Variants in FRMD4A observed in about 807,000 individuals in gnomAD.
The protein encoded by FRMD4A is FERM domain-containing protein 4A.
A neutral mutation model predicts 129.1 loss-of-function variants in FRMD4A; 29 were observed. The ratio of observed to expected loss-of-function variants is 0.22; its 90% CI spans 0.17 to 0.31. The LOEUF is 0.31. Ranked by LOEUF, FRMD4A falls within the 10% of genes least tolerant of loss-of-function variation. The pLI, the probability that FRMD4A is intolerant of heterozygous loss-of-function variation, is 1.00. For missense variants in FRMD4A, 1,272 were observed against 1,375.8 expected (o/e 0.92, Z 1.19); for synonymous variants, 634 against 571.6 (o/e 1.11, Z -1.56).
intron 2 of FRMD4A, among the ~76,000 whole-genome samples, chr10:14,281,480 C>T (rs1026305732): frequency 3.3e-5 from 5 of 152,234 alleles, no homozygotes; most frequent in Non-Finnish European, 5.9e-5. Context: ...CTTGCAGCCA[C>T]CAGGACTGTG....
chr10:14,234,484 G>T (rs896327017), intron 2 of FRMD4A, among the ~76,000 whole-genome samples: 1 of 152,190 alleles, frequency 6.6e-6, no homozygotes, highest in East Asian at 1.9e-4. Flanking sequence ...ATTCTTCTTA[G>T]GTAGCAGCCA....
At chr10:14,038,602 T>A (rs1833617287) in intron 2 of FRMD4A, among the ~76,000 whole-genome samples, 1 of 152,154 alleles carries the variant, frequency 6.6e-6, no homozygotes, top group Non-Finnish European at 1.5e-5. Context: ...CTGCATAAAA[T>A]TGATAACATT....
At chr10:13,701,770 C>A (rs2086853893) in intron 13 of FRMD4A, among the ~76,000 whole-genome samples, 1 of 152,190 alleles carries the variant, frequency 6.6e-6, no homozygotes, top group African/African-American at 2.4e-5. Context: ...AATGGATGGT[C>A]CTTTTTCGAT....
At chr10:14,052,923 T>C (rs1834332619) in intron 2 of FRMD4A, among the ~76,000 whole-genome samples, 2 of 152,098 alleles carry the variant, frequency 1.3e-5, no homozygotes, top group Non-Finnish European at 2.9e-5. Flanking sequence ...AACTCATTCT[T>C]TACTGCAAGG....
chr10:14,028,237 AACTG>A (rs1833073227), intron 2 of FRMD4A, among the ~76,000 whole-genome samples: 1 of 152,224 alleles, frequency 6.6e-6, no homozygotes. Flanking sequence ...TTTATTTACT[AACTG>A]GGGTATATAC....
intron 2 of FRMD4A, among the ~76,000 whole-genome samples, chr10:14,113,493 G>A (rs1388717220): frequency 1.3e-5 from 2 of 152,174 alleles, no homozygotes; most frequent in East Asian, 3.8e-4. Flanking sequence ...TGTGTTAAGT[G>A]GCTGTATGTG....
At chr10:13,993,662 T>C (rs2095611602) in intron 2 of FRMD4A, among the ~76,000 whole-genome samples, 1 of 152,238 alleles carries the variant, frequency 6.6e-6, no homozygotes, top group Non-Finnish European at 1.5e-5. Flanking sequence ...TAAGTTGTTC[T>C]ATCAGGCAAT....
intron 2 of FRMD4A, among the ~76,000 whole-genome samples, chr10:14,322,832 C>A (rs1034246541): frequency 1.3e-5 from 2 of 152,190 alleles, no homozygotes; most frequent in Non-Finnish European, 2.9e-5. Context: ...TGAGAAACTG[C>A]TACTTGCACC....
In FRMD4A at chr10:13,645,561, A is replaced by C. The variant is rs1177529775; in HGVS notation, c.*1477T>G. Reference sequence around the variant, plus strand: ...TGTAAACGTGCAGCTCCCACACATTAATTTTTTTCTTCTTTCCTCCTCTTT... The same window carrying C: ...TGTAAACGTGCAGCTCCCACACATTCATTTTTTTCTTCTTTCCTCCTCTTT... On this transcript the variant is annotated 3_prime_UTR_variant, in exon 25 of 25. Transcript: ENST00000357447. 2 of 152,572 alleles carry C rather than the reference A, an allele frequency of 1.3e-5. No homozygotes were observed. Among genetic ancestry groups the C allele is most frequent in the Non-Finnish European group, 2.9e-5 (2 of 68,028 alleles). 9.5% of individuals were successfully genotyped at this position (152,572 alleles called of 1,614,324 possible).
intron 2 of FRMD4A, among the ~76,000 whole-genome samples, chr10:13,883,427 G>A (rs999239897): frequency 3.3e-5 from 5 of 152,250 alleles, no homozygotes; most frequent in Admixed American, 3.3e-4. Flanking sequence ...GGGAGGCGGA[G>A]GTTGTGGTGA....
chr10:13,804,028 A>C (rs1281725842), intron 4 of FRMD4A, among the ~76,000 whole-genome samples: 3 of 152,374 alleles, frequency 2.0e-5, no homozygotes, highest in Non-Finnish European at 2.9e-5. Flanking sequence ...AGCTGCACAC[A>C]GAAAGAGCTA....
chr10:14,116,794 G>C (rs1589010509), intron 2 of FRMD4A, among the ~76,000 whole-genome samples: 1 of 152,206 alleles, frequency 6.6e-6, no homozygotes, highest in East Asian at 1.9e-4. Context: ...ATTTTTCCTT[G>C]CTTCCAGAAG....
At chr10:13,858,802 A>G (rs752408514) in intron 3 of FRMD4A, 45 bp downstream of exon 3, 1 of 1,086,080 alleles carries the variant, frequency 9.2e-7, no homozygotes, top group Non-Finnish European at 1.4e-6. Context: ...CTGAAACCAC[A>G]TCAGTCACCA....
At chr10:14,232,492 T>C (rs555550496) in intron 2 of FRMD4A, among the ~76,000 whole-genome samples, 1 of 152,362 alleles carries the variant, frequency 6.6e-6, no homozygotes, top group Non-Finnish European at 1.5e-5. Context: ...TTGATAAAAA[T>C]AGCTGCTGAA....
chr10:14,149,020 C>T (rs1840217624), intron 2 of FRMD4A, among the ~76,000 whole-genome samples: 1 of 152,082 alleles, frequency 6.6e-6, no homozygotes, highest in Non-Finnish European at 1.5e-5. Flanking sequence ...AATTTACACA[C>T]CAGAGCACAG....
At chr10:14,322,185 A>C (rs1843085669) in intron 2 of FRMD4A, among the ~76,000 whole-genome samples, 1 of 152,156 alleles carries the variant, frequency 6.6e-6, no homozygotes, top group African/African-American at 2.4e-5. Context: ...GCCTGGACTA[A>C]GGCAGGGGAC....
chr10:14,141,394 C>T (rs1839827018), intron 2 of FRMD4A, among the ~76,000 whole-genome samples: 1 of 152,156 alleles, frequency 6.6e-6, no homozygotes, highest in South Asian at 2.1e-4. Context: ...CGGATGCTAT[C>T]CATGCACTCT....
intron 6 of FRMD4A, among the ~76,000 whole-genome samples, chr10:13,768,985 A>ATTTT (rs10558942): frequency 2.9e-5 from 3 of 103,330 alleles, no homozygotes; most frequent in Non-Finnish European, 5.6e-5. Context: ...ACTTTACTAG[A>ATTTT]TTTTTTTTTT....
At chr10:14,266,339 T>C (rs564813113) in intron 2 of FRMD4A, among the ~76,000 whole-genome samples, 3 of 152,294 alleles carry the variant, frequency 2.0e-5, no homozygotes, top group African/African-American at 7.2e-5. Flanking sequence ...AGAACCACTG[T>C]TTATCCCCCA....
Sources: gnomAD v4.1 joint callset for allele counts (sites outside exome capture counted in the v4.1 genomes callset) on GRCh38, gnomAD v4.1.1 for gene constraint, MANE v1.5 for transcripts, NCBI Gene and HGNC (gene_info 2026-07-23, HGNC 2026-07-21) for gene names.